PLEKHG1: variants seen among roughly 807,000 people sequenced by gnomAD.
PLEKHG1 encodes the protein pleckstrin homology domain-containing family G member 1.
A neutral mutation model predicts 100.8 loss-of-function variants in PLEKHG1; 44 were observed. That is an observed-to-expected ratio of 0.44 (90% CI 0.34 to 0.56). The LOEUF is 0.56. PLEKHG1 is among the 20% of genes least tolerant of loss of function. The pLI, the probability that PLEKHG1 is intolerant of heterozygous loss-of-function variation, is 0.01. For missense variants in PLEKHG1, 1,545 were observed against 1,720.9 expected, an observed-to-expected ratio of 0.90 and a Z score of 1.81; for synonymous variants, 640 against 662.5, an observed-to-expected ratio of 0.97 and a Z score of 0.52.
intron 7 of PLEKHG1, among the ~76,000 whole-genome samples, chr6:150,805,159 TCCCGA>T (rs993005484): frequency 1.3e-5 from 2 of 152,086 alleles, no homozygotes; most frequent in Non-Finnish European, 2.9e-5. Flanking sequence ...GGTCTCGAAC[TCCCGA>T]CCTCAGGTGA....
At chr6:150,651,265 C>G (rs1323970448) in intron 3 of PLEKHG1, 1 of 152,176 alleles carries the variant, frequency 6.6e-6, no homozygotes, top group Non-Finnish European at 1.5e-5. Context: ...GAGACAGGGT[C>G]TCGCTTTGTC....
At chr6:150,708,869 C>G (rs1582981191) in intron 3 of PLEKHG1, among the ~76,000 whole-genome samples, 1 of 152,158 alleles carries the variant, frequency 6.6e-6, no homozygotes, top group African/African-American at 2.4e-5. Flanking sequence ...ACTTTATAAC[C>G]TGGTTTCCAG....
At chr6:150,645,482 G>A (rs1778456590) in intron 2 of PLEKHG1, among the ~76,000 whole-genome samples, 1 of 152,166 alleles carries the variant, frequency 6.6e-6, no homozygotes, top group South Asian at 2.1e-4. Flanking sequence ...TGTTGAGAGT[G>A]AAGATAAATC....
chr6:150,726,264 A>G (rs990857372), intron 1 of PLEKHG1, among the ~76,000 whole-genome samples: 5 of 152,202 alleles, frequency 3.3e-5, no homozygotes, highest in Admixed American at 1.3e-4. Flanking sequence ...GATCTTAAGT[A>G]TTGTTATTGT....
intron 7 of PLEKHG1, among the ~76,000 whole-genome samples, chr6:150,805,978 CAA>C (rs909075402): frequency 6.6e-6 from 1 of 152,196 alleles, no homozygotes; most frequent in African/African-American, 2.4e-5. Context: ...AAAAACAAAA[CAA>C]GAGGCTGCAT....
chr6:150,738,806 G>T (rs1391196824), intron 2 of PLEKHG1, among the ~76,000 whole-genome samples: 1 of 152,138 alleles, frequency 6.6e-6, no homozygotes, highest in Non-Finnish European at 1.5e-5. Flanking sequence ...GTGAACCGTA[G>T]TCAAAGGAAC....
At chr6:150,602,220 T>G (rs1017071751) in intron 1 of PLEKHG1, among the ~76,000 whole-genome samples, 3 of 152,162 alleles carry the variant, frequency 2.0e-5, no homozygotes, top group African/African-American at 7.2e-5. Flanking sequence ...GGCCGTTCAC[T>G]TTTTTGCAGA....
chr6:150,740,440 T>C (rs1008089132), intron 2 of PLEKHG1, among the ~76,000 whole-genome samples: 1 of 152,248 alleles, frequency 6.6e-6, no homozygotes, highest in Non-Finnish European at 1.5e-5. Context: ...AAGAAGGCTG[T>C]TGAGAAGAGG....
exon 1 of PLEKHG1, chr6:150,599,903 G>T: frequency 5.3e-6 from 1 of 189,972 alleles, no homozygotes; most frequent in Admixed American, 6.2e-5. Flanking sequence ...GCCCGAGCCC[G>T]AGCCCGACGG....
upstream of PLEKHG1, among the ~76,000 whole-genome samples, chr6:150,720,397 T>C (rs117135447): frequency 1.3e-3 from 199 of 152,342 alleles, 1 homozygote; most frequent in Non-Finnish European, 2.0e-3. Context: ...CTACTTAGTA[T>C]TTATGAATAT....
At chr6:150,762,618 G>T (rs1784222737) in intron 2 of PLEKHG1, among the ~76,000 whole-genome samples, 1 of 152,090 alleles carries the variant, frequency 6.6e-6, no homozygotes, top group African/African-American at 2.4e-5. Context: ...TCTCTGTGGT[G>T]TGGGGTCTAG....
intron 15 of PLEKHG1, among the ~76,000 whole-genome samples, chr6:150,835,812 G>T (rs778155494): frequency 2.0e-5 from 3 of 152,174 alleles, no homozygotes; most frequent in Non-Finnish European, 2.9e-5. Context: ...AAGCCCCTTA[G>T]ATCAGCAGGT....
intron 3 of PLEKHG1, among the ~76,000 whole-genome samples, chr6:150,671,110 TAC>T (rs1554258554): frequency 8.2e-6 from 1 of 121,960 alleles, no homozygotes; most frequent in Non-Finnish European, 1.8e-5. Flanking sequence ...TATATATATA[TAC>T]ACACACACAC....
At chr6:150,601,813 C>T (rs1443381849) in intron 1 of PLEKHG1, among the ~76,000 whole-genome samples, 1 of 152,198 alleles carries the variant, frequency 6.6e-6, no homozygotes, top group Non-Finnish European at 1.5e-5. Flanking sequence ...TGCCAGATAA[C>T]TGCCCCGATT....
intron 14 of PLEKHG1, among the ~76,000 whole-genome samples, chr6:150,825,840 G>A (rs1415796711): frequency 1.3e-5 from 2 of 152,146 alleles, no homozygotes; most frequent in African/African-American, 4.8e-5. Context: ...TCTTAAAAGT[G>A]CTTATTAATG....
chr6:150,649,399 A>G (rs548377090), intron 2 of PLEKHG1, among the ~76,000 whole-genome samples: 2 of 152,316 alleles, frequency 1.3e-5, no homozygotes, highest in South Asian at 2.1e-4. Context: ...AATGTTCCCC[A>G]CCAGTGCTAT....
At chr6:150,631,915 C>G (rs1018556971) in intron 1 of PLEKHG1, among the ~76,000 whole-genome samples, 1 of 152,198 alleles carries the variant, frequency 6.6e-6, no homozygotes, top group Non-Finnish European at 1.5e-5. Context: ...CCTGCTAGTG[C>G]TGTCCTGCCC....
chr6:150,736,371 A>G (rs1302502571), intron 2 of PLEKHG1, among the ~76,000 whole-genome samples: 1 of 152,272 alleles, frequency 6.6e-6, no homozygotes, highest in Non-Finnish European at 1.5e-5. Context: ...GTAATCAATT[A>G]GTAAATGGAA....
intron 1 of PLEKHG1, among the ~76,000 whole-genome samples, chr6:150,623,118 A>G (rs1244935683): frequency 1.3e-5 from 2 of 151,828 alleles, no homozygotes; most frequent in South Asian, 2.1e-4. Flanking sequence ...TCAATGACAC[A>G]TTCTTGAGGT....
Sources: gnomAD v4.1 joint callset for allele counts (sites outside exome capture counted in the v4.1 genomes callset) on GRCh38, gnomAD v4.1.1 for gene constraint, MANE v1.5 for transcripts, NCBI Gene and HGNC (gene_info 2026-07-23, HGNC 2026-07-21) for gene names.